Variants in HELZ observed in about 807,000 individuals in gnomAD.
The protein encoded by HELZ is ATP-dependent RNA helicase with zinc finger domain.
In HELZ, 23 loss-of-function variants were observed where a neutral mutation model predicts 218.2. The observed-to-expected ratio is 0.11, with a 90% CI of 0.08 to 0.15. The LOEUF (loss-of-function observed/expected upper bound fraction) is 0.15, where lower values mean the gene tolerates loss of function less well. Ranked by LOEUF, HELZ falls within the 10% of genes least tolerant of loss-of-function variation. The pLI is 1.00. For missense variants in HELZ, 1,813 were observed against 2,353.7 expected (o/e 0.77, Z 4.75); for synonymous variants, 814 against 829.4 (o/e 0.98, Z 0.32).
At chr17:67,123,815 CTGTGTGTGTGTGTG>C (rs58616216) in intron 25 of HELZ, 134 bp downstream of exon 25, 5 of 534,966 alleles carry the variant, frequency 9.3e-6, no homozygotes, top group South Asian at 2.6e-5. Context: ...TCCAAAGTGA[CTGTGTGTGTGTGTG>C]TGTGTGTGTG....
chr17:67,166,085 T>C (rs1254633834), intron 15 of HELZ, among the ~76,000 whole-genome samples: 1 of 152,112 alleles, frequency 6.6e-6, no homozygotes, highest in Admixed American at 6.5e-5. Flanking sequence ...TAATGAGCAA[T>C]GATCATGCCA....
At chr17:67,093,930 ATAG>A (rs1199105064) in intron 31 of HELZ, among the ~76,000 whole-genome samples, 1 of 152,132 alleles carries the variant, frequency 6.6e-6, no homozygotes, top group East Asian at 1.9e-4. Flanking sequence ...TCCCAAAACT[ATAG>A]TAGATTTATT....
rs1016538875 is a variant in HELZ at position 67,171,162 on chromosome 17, T to A, written c.1431-3366A>T. Among the ~76,000 whole-genome samples, 10 of 152,144 alleles carry A rather than the reference T, an allele frequency of 6.6e-5. 1 individual carries two copies. The South Asian group carries it at 1.5e-3, about 22-fold the overall frequency. On this transcript the variant is annotated intron_variant, in intron 13 of 32. Transcript: ENST00000358691. ...TCTCCTAGCTGCTCTCCATCTCCCA[T>A]CTAAGCACCAACTATTTTCTATAAG... is the stretch of plus-strand genomic sequence containing the variant.
chr17:67,187,851 C>T (rs1181642437), intron 12 of HELZ, among the ~76,000 whole-genome samples: 1 of 152,156 alleles, frequency 6.6e-6, no homozygotes, highest in African/African-American at 2.4e-5. Flanking sequence ...CTAGTGGATG[C>T]ACAAACTGAT....
intron 28 of HELZ, among the ~76,000 whole-genome samples, chr17:67,110,672 C>A (rs749306091): frequency 2.0e-5 from 3 of 152,126 alleles, no homozygotes; most frequent in Non-Finnish European, 4.4e-5. Flanking sequence ...ATGCCATTTC[C>A]GGCTCACCAG....
At chr17:67,245,433 C>T, upstream of HELZ, 1 of 962,676 alleles carries the variant, frequency 1.0e-6, no homozygotes, top group Non-Finnish European at 1.2e-6. Flanking sequence ...TCTCCTGCCC[C>T]GGCCTCCCTG....
At chr17:67,223,382 T>C (rs2040802848) in intron 3 of HELZ, among the ~76,000 whole-genome samples, 1 of 152,206 alleles carries the variant, frequency 6.6e-6, no homozygotes, top group Non-Finnish European at 1.5e-5. Context: ...CACACCAATG[T>C]AGGAAGAAGC....
chr17:67,120,087 T>C, intron 27 of HELZ: 2 of 351,030 alleles, frequency 5.7e-6, no homozygotes, highest in Non-Finnish European at 1.0e-5. Context: ...CACTGCAAAC[T>C]CCGCCTCCCA....
Position 67,148,593 on chromosome 17 carries a change from T to C in HELZ, c.2597A>G (p.Tyr866Cys). Residue 866 changes from tyrosine to cysteine, a missense_variant, in exon 20 of 33, where the codon TAC (tyrosine) becomes TGC (cysteine). Tyr to Cys is a radical substitution (Grantham distance 194). Coordinates refer to ENST00000358691, the MANE Select transcript of HELZ (RefSeq NM_014877.4). Reference sequence around the variant, plus strand: ...CTTGATGATAGCTTCATGGGAGCGGTAGTTCTCACACAGGAGAATCCTACA... The same window carrying C: ...CTTGATGATAGCTTCATGGGAGCGGCAGTTCTCACACAGGAGAATCCTACA... ...FPCRILLCENYRSHEAIINYT... is the reference protein window; with the variant it reads ...FPCRILLCENCRSHEAIINYT... 6.2e-7 allele frequency: 1 copy of C among 1,613,510 alleles called. No homozygotes were observed.
chr17:67,088,316 CTGT>C (rs1598187946), intron 31 of HELZ, among the ~76,000 whole-genome samples: 1 of 152,220 alleles, frequency 6.6e-6, no homozygotes, highest in East Asian at 1.9e-4. Context: ...ACTTTCACCA[CTGT>C]TGTTAGCAAT....
intron 17 of HELZ, among the ~76,000 whole-genome samples, chr17:67,152,032 G>A (rs922961059): frequency 1.3e-5 from 2 of 152,130 alleles, no homozygotes; most frequent in Admixed American, 6.5e-5. Context: ...GTTCCAACAG[G>A]GCAGTGACAT....
chr17:67,194,138 T>C (rs553181113), intron 8 of HELZ, 96 bp from the exon 9 acceptor site: 1 of 807,374 alleles, frequency 1.2e-6, no homozygotes, highest in Non-Finnish European at 2.1e-6. Context: ...TCCACATACA[T>C]CATCCCATAT....
chr17:67,113,241 T>C (rs1260018456), intron 28 of HELZ, among the ~76,000 whole-genome samples: 1 of 152,044 alleles, frequency 6.6e-6, no homozygotes, highest in Non-Finnish European at 1.5e-5. Flanking sequence ...ACAAGGTCTA[T>C]GTGGTAGTTG....
chr17:67,182,301 C>T (rs750502516), intron 12 of HELZ, among the ~76,000 whole-genome samples: 3 of 151,942 alleles, frequency 2.0e-5, no homozygotes, highest in African/African-American at 7.3e-5. Context: ...AAAAAATAGC[C>T]GGGTATGATA....
intron 24 of HELZ, among the ~76,000 whole-genome samples, chr17:67,124,554 T>C (rs1376464777): frequency 1.3e-5 from 2 of 152,222 alleles, no homozygotes; most frequent in African/African-American, 4.8e-5. Context: ...GGAACTGTCA[T>C]TATTTGCTTG....
At chr17:67,159,448 A>G (rs531961559) in intron 17 of HELZ, among the ~76,000 whole-genome samples, 1 of 152,278 alleles carries the variant, frequency 6.6e-6, no homozygotes, top group East Asian at 1.9e-4. Context: ...GCTCAAGTAG[A>G]AATAAAACGT....
intron 31 of HELZ, among the ~76,000 whole-genome samples, chr17:67,102,570 A>G (rs2036962318): frequency 6.6e-6 from 1 of 152,220 alleles, no homozygotes; most frequent in Non-Finnish European, 1.5e-5. Flanking sequence ...AGTGGGAGGG[A>G]AAAGCCTTTT....
In HELZ at chr17:67,072,521, A is replaced by T. The variant is rs2035918115; in HGVS notation, c.*5731T>A. 1 of 152,664 alleles carries T rather than the reference A, an allele frequency of 6.6e-6. No individual in the cohort carries two copies. The highest frequency in any genetic ancestry group is 2.4e-5 in the African/African-American group (1 of 41,410). 9.5% of individuals were successfully genotyped at this position (152,664 alleles called of 1,614,324 possible). A position where few individuals can be genotyped will look rare whatever the true frequency, so the allele number is the denominator to read the frequency against. ...CTCACTTCCATGCATGTGGATCAAG[A>T]TTGACCCTAAGCACACCAAACAAAT... On this transcript the variant is annotated 3_prime_UTR_variant, in exon 33 of 33. Transcript: ENST00000358691.
At chr17:67,104,377 TGCAGTGA>T (rs1209948931) in intron 31 of HELZ, among the ~76,000 whole-genome samples, 1 of 149,510 alleles carries the variant, frequency 6.7e-6, no homozygotes, top group East Asian at 2.0e-4. Context: ...AGGCGGAGCT[TGCAGTGA>T]GCCGAGATGG....
Sources: gnomAD v4.1 joint callset for allele counts (sites outside exome capture counted in the v4.1 genomes callset) on GRCh38, gnomAD v4.1.1 for gene constraint, MANE v1.5 for transcripts, NCBI Gene and HGNC (gene_info 2026-07-23, HGNC 2026-07-21) for gene names.